The following TTLL5 variants were observed in gnomAD, a reference collection of about 807,000 sequenced individuals.
TTLL5 encodes the protein tubulin tyrosine ligase like 5, also known as tubulin polyglutamylase TTLL5.
Under a neutral mutation model 168.4 loss-of-function variants are expected in TTLL5, and 132 were observed. That is an observed-to-expected ratio of 0.78 (90% CI 0.68 to 0.91). The LOEUF (loss-of-function observed/expected upper bound fraction) is 0.91, where lower values mean the gene tolerates loss of function less well. TTLL5 is among the 40% of genes least tolerant of loss of function. TTLL5 has a pLI of 0.00. For missense variants in TTLL5, 1,545 were observed against 1,581.5 expected, an observed-to-expected ratio of 0.98 and a Z score of 0.39; for synonymous variants, 546 against 558.6, an observed-to-expected ratio of 0.98 and a Z score of 0.32.
intron 27 of TTLL5, among the ~76,000 whole-genome samples, chr14:75,819,733 T>C (rs1894720816): frequency 6.6e-6 from 1 of 152,228 alleles, no homozygotes; most frequent in African/African-American, 2.4e-5. Flanking sequence ...GTTTTTGTTA[T>C]CCGTCTTTGT....
intron 12 of TTLL5, among the ~76,000 whole-genome samples, chr14:75,722,569 T>C (rs1887909971): frequency 6.6e-6 from 1 of 152,192 alleles, no homozygotes; most frequent in East Asian, 1.9e-4. Context: ...TAACAGCCAG[T>C]GTGTCCTTTC....
chr14:75,719,057 C>T lies in TTLL5; in HGVS notation c.843-678C>T, dbSNP rs568042512. 7.2e-5 allele frequency among the ~76,000 whole-genome samples: 11 copies of T among 152,270 alleles called. No homozygotes were observed. The South Asian group carries it at 2.3e-3, about 32-fold the overall frequency. On this transcript the variant is annotated intron_variant, in intron 10 of 31. Coordinates refer to ENST00000298832, the MANE Select transcript of TTLL5 (RefSeq NM_015072.5). ...GTGGTAGGGAGTGAGGGGACAGCTG[C>T]AAAACACAGGTTCCAGATTGCGGGG...
chr14:75,733,332 C>T (rs2140235529), intron 13 of TTLL5, among the ~76,000 whole-genome samples: 1 of 152,314 alleles, frequency 6.6e-6, no homozygotes, highest in African/African-American at 2.4e-5. Flanking sequence ...CATGGAGGAA[C>T]ACCTCAGCAC....
intron 27 of TTLL5, among the ~76,000 whole-genome samples, chr14:75,796,776 T>C (rs896007034): frequency 1.3e-5 from 2 of 152,182 alleles, no homozygotes; most frequent in Non-Finnish European, 2.9e-5. Flanking sequence ...TTCTGTTCTA[T>C]TGGTCTATGT....
Position 75,764,874 on chromosome 14 carries a change from T to A in TTLL5, c.1708+102T>A. On this transcript the variant is annotated intron_variant, in intron 19 of 31. Transcript: ENST00000298832. Reference sequence around the variant, plus strand: ...ATTTCATGAGTCAGAATCTTCCTGATCACATACACCTTTTTTATATAGTTT... The same window carrying A: ...ATTTCATGAGTCAGAATCTTCCTGAACACATACACCTTTTTTATATAGTTT... 3 of 1,334,706 alleles carry A rather than the reference T, an allele frequency of 2.2e-6. No homozygotes were observed. In the Admixed American group the frequency reaches 6.6e-5, roughly 29 times the overall value. The allele number at this position is 1,334,706 out of a possible 1,614,324, so 82.7% of individuals were successfully genotyped here. A position where few individuals can be genotyped will look rare whatever the true frequency, so the allele number is the denominator to read the frequency against.
intron 12 of TTLL5, among the ~76,000 whole-genome samples, chr14:75,729,596 G>A (rs1888405118): frequency 6.6e-6 from 1 of 152,118 alleles, no homozygotes; most frequent in Non-Finnish European, 1.5e-5. Flanking sequence ...AGCCTTTGAG[G>A]TGAGCTGGGT....
Position 75,764,794 on chromosome 14 carries a change from C to T in TTLL5, c.1708+22C>T. ...CCAGGTACCTGCTGGTGAGCTTTCA[C>T]CAAACTCCCTTATCTGGATCCTGCC... On this transcript the variant is annotated intron_variant, in intron 19 of 31. Transcript: ENST00000298832. 4 of 1,613,674 alleles carry T rather than the reference C, an allele frequency of 2.5e-6. No homozygotes were observed. In the South Asian group the frequency reaches 3.3e-5, roughly 13 times the overall value.
rs915190890 is a variant in TTLL5, at chr14:75,737,515, A to C, written c.1281+2226A>C. 12 of 1,497,346 alleles carry C rather than the reference A, an allele frequency of 8.0e-6. No individual in the cohort carries two copies. The African/African-American group carries it at 1.5e-4, about 19-fold the overall frequency. The allele number at this position is 1,497,346 out of a possible 1,614,324, so 92.8% of individuals were successfully genotyped here. ...CATAGATCTAGGAGATGGAAAATGT[A>C]GGCATATTAGGAGAAGATAAGGGTT... is the stretch of plus-strand genomic sequence containing the variant. On this transcript the variant is annotated intron_variant, in intron 15 of 31. Coordinates refer to ENST00000298832, the MANE Select transcript of TTLL5 (RefSeq NM_015072.5).
At chr14:75,860,143 G>T (rs944070408) in intron 28 of TTLL5, among the ~76,000 whole-genome samples, 1 of 152,196 alleles carries the variant, frequency 6.6e-6, no homozygotes, top group African/African-American at 2.4e-5. Context: ...TTCAATATGT[G>T]TGCAGTTGGA....
At chr14:75,927,806 C>T (rs535758418) in intron 31 of TTLL5, among the ~76,000 whole-genome samples, 1 of 152,186 alleles carries the variant, frequency 6.6e-6, no homozygotes, top group Non-Finnish European at 1.5e-5. Flanking sequence ...CAGCACAGAG[C>T]AAGGAGGACC....
intron 27 of TTLL5, among the ~76,000 whole-genome samples, chr14:75,812,329 A>G (rs1454382724): frequency 6.6e-6 from 1 of 152,212 alleles, no homozygotes; most frequent in Non-Finnish European, 1.5e-5. Context: ...GATTTCCCAC[A>G]GGCAGTTACT....
chr14:75,665,224 ATACAT>A (rs1318610477), intron 2 of TTLL5, among the ~76,000 whole-genome samples: 1 of 152,258 alleles, frequency 6.6e-6, no homozygotes, highest in Non-Finnish European at 1.5e-5. Flanking sequence ...TGTTTTACTA[ATACAT>A]TAAATAATAA....
chr14:75,915,333 T>G (rs2033577891), intron 31 of TTLL5, among the ~76,000 whole-genome samples: 1 of 152,228 alleles, frequency 6.6e-6, no homozygotes, highest in Non-Finnish European at 1.5e-5. Context: ...ACACTTTAAA[T>G]GTGCACAGTA....
At chr14:75,865,084 G>T (rs890655454) in intron 29 of TTLL5, among the ~76,000 whole-genome samples, 1 of 151,998 alleles carries the variant, frequency 6.6e-6, no homozygotes, top group Non-Finnish European at 1.5e-5. Flanking sequence ...CATTTTTACT[G>T]GAGAAAAATA....
intron 4 of TTLL5, 100 bp downstream of exon 4, chr14:75,681,727 C>T: frequency 2.0e-6 from 2 of 996,404 alleles, no homozygotes; most frequent in Non-Finnish European, 1.6e-6. Context: ...CCAGGAAGTA[C>T]ATGGGACCAA....
intron 29 of TTLL5, among the ~76,000 whole-genome samples, chr14:75,867,955 C>T (rs574407540): frequency 2.4e-4 from 37 of 152,214 alleles, no homozygotes; most frequent in Non-Finnish European, 3.8e-4. Context: ...TCAGCTGAGT[C>T]GGGGACTTTC....
chr14:75,860,855 A>G (rs1253409403), intron 28 of TTLL5, among the ~76,000 whole-genome samples: 1 of 152,160 alleles, frequency 6.6e-6, no homozygotes, highest in East Asian at 1.9e-4. Flanking sequence ...AAAAGAGATA[A>G]TAGGTTCCTC....
At chr14:75,894,067 A>T (rs985806536) in intron 30 of TTLL5, among the ~76,000 whole-genome samples, 2 of 152,192 alleles carry the variant, frequency 1.3e-5, no homozygotes, top group Non-Finnish European at 2.9e-5. Flanking sequence ...CAAAGATAAG[A>T]TACAGGGACC....
At chr14:75,873,138 A>C (rs1363101358) in intron 29 of TTLL5, among the ~76,000 whole-genome samples, 1 of 149,200 alleles carries the variant, frequency 6.7e-6, no homozygotes, top group Admixed American at 6.7e-5. Context: ...CAGTGGCTCA[A>C]TCTCGGCTCA....
Sources: allele counts gnomAD v4.1 joint callset (sites outside exome capture counted in the v4.1 genomes callset), GRCh38; gene constraint gnomAD v4.1.1; transcripts MANE v1.5; gene names NCBI Gene and HGNC (gene_info 2026-07-23, HGNC 2026-07-21).